The following PLOD2 variants were observed in gnomAD, a reference collection of about 807,000 sequenced individuals.
PLOD2 encodes the protein procollagen-lysine,2-oxoglutarate 5-dioxygenase 2.
A neutral mutation model predicts 101.0 loss-of-function variants in PLOD2; 65 were observed. The ratio of observed to expected loss-of-function variants is 0.64; its 90% CI spans 0.53 to 0.79. The LOEUF is 0.79. PLOD2 is among the 30% of genes least tolerant of loss of function. The pLI is 0.00. For missense variants in PLOD2, 909 were observed against 914.6 expected (o/e 0.99, Z 0.08); for synonymous variants, 314 against 302.9 (o/e 1.04, Z -0.38).
At chr3:146,155,702 G>A (rs1340928476) in intron 1 of PLOD2, among the ~76,000 whole-genome samples, 3 of 141,300 alleles carry the variant, frequency 2.1e-5, no homozygotes, top group East Asian at 2.0e-4. Context: ...GCGACAGAAC[G>A]AGACTCTGTC....
intron 3 of PLOD2, among the ~76,000 whole-genome samples, chr3:146,114,173 A>T (rs1338938819): frequency 6.6e-6 from 1 of 152,080 alleles, no homozygotes; most frequent in East Asian, 1.9e-4. Context: ...CCGAAATTTC[A>T]TTAGCAATTT....
intron 3 of PLOD2, 70 bp downstream of exon 3, chr3:146,121,041 CA>C: frequency 8.0e-7 from 1 of 1,245,842 alleles, no homozygotes; most frequent in Non-Finnish European, 1.2e-6. Flanking sequence ...ACATCATCTA[CA>C]AATATAAATC....
chr3:146,137,830 A>C (rs1028588901), intron 1 of PLOD2, among the ~76,000 whole-genome samples: 11 of 152,102 alleles, frequency 7.2e-5, no homozygotes, highest in Non-Finnish European at 1.5e-4. Flanking sequence ...ATGCCAAATA[A>C]TAAAAAAATT....
intron 6 of PLOD2, among the ~76,000 whole-genome samples, chr3:146,103,369 T>C (rs9836521): frequency 0.52 from 78,440 of 151,928 alleles, 20,353 homozygotes; most frequent in Middle Eastern, 0.56. Context: ...ACTTAGCACA[T>C]TAAGCAAGAT....
chr3:146,160,850 G>T, intron 1 of PLOD2, 31 bp downstream of exon 1: 4 of 1,413,760 alleles, frequency 2.8e-6, no homozygotes, highest in Non-Finnish European at 3.9e-6. Flanking sequence ...GCCGAGCCTC[G>T]CGGGACAGCG....
Position 146,095,302 on chromosome 3 carries a change from A to T in PLOD2, c.778-3401T>A, listed in dbSNP as rs574481447. On this transcript the variant is annotated intron_variant, in intron 7 of 19. Coordinates refer to ENST00000282903, the MANE Select transcript of PLOD2 (RefSeq NM_182943.3). The stretch of plus-strand genomic sequence containing the variant: ...AGGCAACCTACAGAATGGGAAAAAA[A>T]TTTTGCTATCTATCCATCCAATATC... Among the ~76,000 whole-genome samples, 5 of 151,742 alleles carry T rather than the reference A, an allele frequency of 3.3e-5. No individual in the cohort carries two copies. In the South Asian group the frequency reaches 8.4e-4, roughly 25 times the overall value.
rs112116504 is a variant in PLOD2, at chr3:146,115,539, C to A, written c.339-5091G>T. ...ATCTCATGGAATCTTTTCCTTAATC[C>A]TATTGATTCCATCTACTTAATTTAT... On this transcript the variant is annotated intron_variant, in intron 3 of 19. Coordinates refer to ENST00000282903, the MANE Select transcript of PLOD2 (RefSeq NM_182943.3). Among the ~76,000 whole-genome samples the A allele has an allele frequency of 6.1e-3, 931 of 152,198 alleles. 12 individuals carry two copies. The highest frequency in any genetic ancestry group is 0.022 in the African/African-American group (896 of 41,532).
chr3:146,082,809 C>T (rs973517045), intron 11 of PLOD2, among the ~76,000 whole-genome samples: 6 of 152,062 alleles, frequency 3.9e-5, no homozygotes, highest in African/African-American at 1.2e-4. Context: ...ACAGGAGAAT[C>T]GCTTGAACCC....
At chr3:146,130,781 C>T (rs562449305) in intron 1 of PLOD2, among the ~76,000 whole-genome samples, 1 of 152,144 alleles carries the variant, frequency 6.6e-6, no homozygotes, top group East Asian at 1.9e-4. Context: ...CTGGTGACAA[C>T]AGGTTAAGGG....
chr3:146,127,271 C>A (rs1385623364), intron 1 of PLOD2, among the ~76,000 whole-genome samples: 1 of 152,052 alleles, frequency 6.6e-6, no homozygotes, highest in Non-Finnish European at 1.5e-5. Context: ...ATATCCATTA[C>A]CCACATAGTG....
At position 146,159,996 on chromosome 3, in the gene PLOD2, A is replaced by C. The variant is rs35973610; in HGVS notation, c.109+885T>G. Reference sequence around the variant, plus strand: ...TTCAAGTAGAAAAGCACTCTATTATAAACTTGGGGGAAAAAATGGTGCCAA... The same window carrying C: ...TTCAAGTAGAAAAGCACTCTATTATCAACTTGGGGGAAAAAATGGTGCCAA... On this transcript the variant is annotated intron_variant, in intron 1 of 19. Transcript: ENST00000282903. Among the ~76,000 whole-genome samples, 14 of 152,302 alleles carry C rather than the reference A, an allele frequency of 9.2e-5. No individual in the cohort carries two copies. The East Asian group carries it at 2.5e-3, about 27-fold the overall frequency.
At chr3:146,095,863 TCTCCC>T (rs1188648817) in intron 7 of PLOD2, among the ~76,000 whole-genome samples, 2 of 78,366 alleles carry the variant, frequency 2.6e-5, no homozygotes, top group Non-Finnish European at 5.5e-5. Flanking sequence ...CCCTCTCCCC[TCTCCC>T]CTCTCCCCTC....
intron 8 of PLOD2, among the ~76,000 whole-genome samples, chr3:146,090,563 C>T (rs1038149239): frequency 6.6e-6 from 1 of 151,662 alleles, no homozygotes; most frequent in Non-Finnish European, 1.5e-5. Flanking sequence ...AATTTTTAAA[C>T]ATCTTCATGA....
At chr3:146,130,737 T>G (rs1178818109) in intron 1 of PLOD2, among the ~76,000 whole-genome samples, 1 of 152,166 alleles carries the variant, frequency 6.6e-6, no homozygotes, top group Non-Finnish European at 1.5e-5. Context: ...GAAGTAGAAC[T>G]TCAGAGTTAT....
chr3:146,133,397 T>C (rs1003900336), intron 1 of PLOD2, among the ~76,000 whole-genome samples: 10 of 152,114 alleles, frequency 6.6e-5, no homozygotes, highest in Non-Finnish European at 1.3e-4. Context: ...ATATGAACCA[T>C]ATAATTTTTC....
intron 1 of PLOD2, among the ~76,000 whole-genome samples, chr3:146,142,031 T>C (rs1001199715): frequency 6.6e-6 from 1 of 151,964 alleles, no homozygotes; most frequent in East Asian, 1.9e-4. Flanking sequence ...AGTTAGAAAA[T>C]TGGCAAAAAC....
intron 3 of PLOD2, among the ~76,000 whole-genome samples, chr3:146,110,825 C>A (rs984498809): frequency 1.3e-5 from 2 of 151,932 alleles, no homozygotes; most frequent in African/African-American, 4.8e-5. Flanking sequence ...GCCATAACTG[C>A]CTAATATTTC....
At chr3:146,100,111 C>T (rs1937335710) in intron 7 of PLOD2, among the ~76,000 whole-genome samples, 1 of 152,016 alleles carries the variant, frequency 6.6e-6, no homozygotes, top group African/African-American at 2.4e-5. Flanking sequence ...GAACTCCTGC[C>T]CTCAAGTGAT....
intron 3 of PLOD2, among the ~76,000 whole-genome samples, chr3:146,111,420 A>C (rs1559854685): frequency 6.6e-6 from 1 of 152,174 alleles, no homozygotes; most frequent in Non-Finnish European, 1.5e-5. Context: ...CAAGTCACTT[A>C]ACCTCTTTAC....
Sources: gnomAD v4.1 joint callset for allele counts (sites outside exome capture counted in the v4.1 genomes callset) on GRCh38, gnomAD v4.1.1 for gene constraint, MANE v1.5 for transcripts, NCBI Gene and HGNC (gene_info 2026-07-23, HGNC 2026-07-21) for gene names.